FER1L6: variants seen among roughly 807,000 people sequenced by gnomAD.
The protein encoded by FER1L6 is fer-1 like family member 6.
FER1L6 carries 177 observed loss-of-function variants against 219.2 expected under a neutral mutation model. That is an observed-to-expected ratio of 0.81 (90% CI 0.71 to 0.91). The LOEUF (loss-of-function observed/expected upper bound fraction) is 0.91, where lower values mean the gene tolerates loss of function less well. Ranked by LOEUF, FER1L6 falls within the 40% of genes least tolerant of loss-of-function variation. The pLI is 0.00. For missense variants in FER1L6, 2,153 were observed against 2,259.9 expected (o/e 0.95, Z 0.96); for synonymous variants, 768 against 824.3 (o/e 0.93, Z 1.17).
chr8:124,033,029 C>T (rs550891569), intron 18 of FER1L6, among the ~76,000 whole-genome samples: 2 of 152,152 alleles, frequency 1.3e-5, no homozygotes, highest in African/African-American at 4.8e-5. Flanking sequence ...ACCCTGATAA[C>T]CTATGATTTG....
intron 1 of FER1L6, among the ~76,000 whole-genome samples, chr8:123,904,327 A>T (rs1812915236): frequency 1.3e-5 from 2 of 148,606 alleles, no homozygotes; most frequent in Admixed American, 1.4e-4. Flanking sequence ...GCTATAGGGA[A>T]GGTTGGAAAG....
chr8:123,921,373 T>TAA (rs1216544210), intron 1 of FER1L6, among the ~76,000 whole-genome samples: 1 of 152,176 alleles, frequency 6.6e-6, no homozygotes, highest in African/African-American at 2.4e-5. Context: ...TTTTATTTTT[T>TAA]AAGTTTTTAG....
chr8:123,982,725 G>A (rs1327423985), intron 11 of FER1L6, among the ~76,000 whole-genome samples: 1 of 152,188 alleles, frequency 6.6e-6, no homozygotes, highest in Non-Finnish European at 1.5e-5. Context: ...TCAAGGCGAG[G>A]GCAGGGGCTG....
At position 124,021,571 on chromosome 8, in the gene FER1L6, A is replaced by G. The variant is rs747277347; in HGVS notation, c.2035A>G (p.Lys679Glu). The change falls in exon 17 of 41, where the codon AAG (lysine) becomes GAG (glutamate). Residue 679 changes from lysine (K) to glutamate (E), a missense_variant. By Grantham distance (56) the Lys-to-Glu change is moderately conservative (BLOSUM62 1). Transcript: ENST00000522917. Reference sequence around the variant, plus strand: ...TTAGGAAGCAATGTGCAAGGAGGCCAAGGGGATCATTCAGCAGCAGAAGAA... The same window carrying G: ...TTAGGAAGCAATGTGCAAGGAGGCCGAGGGGATCATTCAGCAGCAGAAGAA... The part of the protein sequence containing the change: ...QELEAMCKEA[K>E]GIIQQQKKKL... The G allele has an allele frequency of 1.9e-6, 3 of 1,614,176 alleles. No homozygotes were observed. The South Asian group carries it at 3.3e-5, about 18-fold the overall frequency.
chr8:123,938,541 A>ATT (rs11301898), intron 1 of FER1L6, among the ~76,000 whole-genome samples: 5 of 93,654 alleles, frequency 5.3e-5, no homozygotes, highest in African/African-American at 1.2e-4. Context: ...TTTACCTGAA[A>ATT]TTTTTTTTTT....
intron 39 of FER1L6, among the ~76,000 whole-genome samples, chr8:124,107,079 G>C (rs1230176722): frequency 6.6e-6 from 1 of 151,406 alleles, no homozygotes; most frequent in Non-Finnish European, 1.5e-5. Flanking sequence ...CTCCCTAGTA[G>C]CTGGGACTAC....
intron 39 of FER1L6, among the ~76,000 whole-genome samples, chr8:124,116,120 A>G (rs1234009074): frequency 1.3e-5 from 2 of 152,222 alleles, no homozygotes; most frequent in Non-Finnish European, 2.9e-5. Context: ...TAGCAGAGGA[A>G]TGGAGTTTGG....
At chr8:124,069,790 A>C (rs1254602957) in intron 29 of FER1L6, among the ~76,000 whole-genome samples, 2 of 152,220 alleles carry the variant, frequency 1.3e-5, no homozygotes, top group Non-Finnish European at 2.9e-5. Flanking sequence ...AAATGTGTAC[A>C]CACTCAAGGT....
intron 32 of FER1L6, 52 bp downstream of exon 32, chr8:124,076,377 CTG>C: frequency 6.4e-7 from 1 of 1,563,862 alleles, no homozygotes; most frequent in Non-Finnish European, 8.8e-7. Context: ...TTTGCTCCTG[CTG>C]TGTTTCTGTG....
chr8:123,970,190 G>C (rs1815737604), intron 6 of FER1L6, 93 bp downstream of exon 6: 1 of 1,154,978 alleles, frequency 8.7e-7, no homozygotes, highest in Non-Finnish European at 1.3e-6. Context: ...ACTTAGCGGG[G>C]AATAGATTCA....
chr8:124,073,002 C>G lies in FER1L6; in HGVS notation c.4092+1371C>G, dbSNP rs146685978. ...TTCAAGGCTCTGAGAATTTCAGAAG[C>G]AAACAAACCTATTTAGTAATCTTGA... is the stretch of plus-strand genomic sequence containing the variant. On this transcript the variant is annotated intron_variant, in intron 31 of 40. Coordinates refer to ENST00000522917, the MANE Select transcript of FER1L6 (RefSeq NM_001039112.2). Among the ~76,000 whole-genome samples, 849 of 152,278 alleles carry G rather than the reference C, an allele frequency of 5.6e-3. 7 individuals carry two copies. Among genetic ancestry groups the G allele is most frequent in the African/African-American group, 0.019 (788 of 41,564 alleles).
rs927009126 is a variant in FER1L6 at position 123,853,677 on chromosome 8, A to G, written c.-8+1492A>G. Among the ~76,000 whole-genome samples the G allele has an allele frequency of 3.2e-4, 48 of 152,322 alleles. No homozygotes were observed. Among genetic ancestry groups the G allele is most frequent in the African/African-American group, 1.1e-3 (45 of 41,578 alleles). ...GGAGTAACATATTTTGAGAGAACCT[A>G]TCCAAGTTGCACGTATGCAGGTGAC... On this transcript the variant is annotated intron_variant, in intron 1 of 40. Transcript: ENST00000522917. This position sits in a 1 kb window ranked among gnomAD's most constrained non-coding sequence, Gnocchi z 6.6.
In FER1L6 at chr8:124,013,418, G is replaced by T. The variant is rs1818033367; in HGVS notation, c.1822-13G>T. 6.4e-7 allele frequency: 1 copy of T among 1,567,248 alleles called. No individual in the cohort carries two copies. The highest frequency in any genetic ancestry group is 8.7e-7 in the Non-Finnish European group (1 of 1,147,330). On this transcript the variant is annotated splice_polypyrimidine_tract_variant and intron_variant, in intron 14 of 40. Coordinates refer to ENST00000522917, the MANE Select transcript of FER1L6 (RefSeq NM_001039112.2). ...CACCGCCTCATCTCTCCACCCCTGTGGTTTGTTTTCAGGAAGAAAGTATAG... is the reference window on the plus strand; with the variant it reads ...CACCGCCTCATCTCTCCACCCCTGTTGTTTGTTTTCAGGAAGAAAGTATAG...
intron 1 of FER1L6, among the ~76,000 whole-genome samples, chr8:123,919,671 T>C (rs1390606088): frequency 6.6e-6 from 1 of 152,204 alleles, no homozygotes; most frequent in Non-Finnish European, 1.5e-5. Flanking sequence ...AGGAAAAAAG[T>C]CTTTTCTGTT....
intron 1 of FER1L6, among the ~76,000 whole-genome samples, chr8:123,898,686 T>A (rs899659661): frequency 6.8e-6 from 1 of 146,154 alleles, no homozygotes; most frequent in Non-Finnish European, 1.5e-5. Flanking sequence ...TATATACATA[T>A]ATGTACATAT....
intron 1 of FER1L6, among the ~76,000 whole-genome samples, chr8:123,909,707 C>A (rs1033905434): frequency 6.6e-6 from 1 of 152,156 alleles, no homozygotes; most frequent in African/African-American, 2.4e-5. Flanking sequence ...CCAATTATTT[C>A]TCTTAAATGT....
In FER1L6 at chr8:123,852,808, C is replaced by G. The variant is rs1194482585; in HGVS notation, c.-8+623C>G. ...GCATTACTATTAACTAAGCTCCACG[C>G]TTTATTTGGATTTCACAAGTTTTTC... On this transcript the variant is annotated intron_variant, in intron 1 of 40. Coordinates refer to ENST00000522917, the MANE Select transcript of FER1L6 (RefSeq NM_001039112.2). The surrounding 1 kb of genome is among the most constrained non-coding windows in gnomAD (Gnocchi z 4.9). Among the ~76,000 whole-genome samples, 2 of 152,056 alleles carry G rather than the reference C, an allele frequency of 1.3e-5. No homozygotes were observed. The highest frequency in any genetic ancestry group is 3.8e-4 in the East Asian group (2 of 5,196).
At chr8:124,010,317 C>T (rs1817863424) in intron 13 of FER1L6, among the ~76,000 whole-genome samples, 1 of 152,034 alleles carries the variant, frequency 6.6e-6, no homozygotes, top group Non-Finnish European at 1.5e-5. Context: ...TTGAAAAAGG[C>T]CTGCCTAAAA....
rs192608707 is a variant in FER1L6, at chr8:123,865,966, A to G, written c.-8+13781A>G. Among the ~76,000 whole-genome samples, 151 of 151,492 alleles carry G rather than the reference A, an allele frequency of 1.0e-3. 7 individuals carry two copies. The highest frequency in any genetic ancestry group is 3.6e-3 in the African/African-American group (146 of 40,766). On this transcript the variant is annotated intron_variant, in intron 1 of 40. Transcript: ENST00000522917. ...CTGCGTCGCTCACGCTGGGAGCTGT[A>G]GACCGGAGCTGTTCCTATTCGGCCA...
Sources: allele counts gnomAD v4.1 joint callset (sites outside exome capture counted in the v4.1 genomes callset), GRCh38; gene constraint gnomAD v4.1.1; non-coding constraint Gnocchi (gnomAD v3.1); transcripts MANE v1.5; gene names NCBI Gene and HGNC (gene_info 2026-07-23, HGNC 2026-07-21).